Variants in PLCB3 observed in about 807,000 individuals in gnomAD.
The protein encoded by PLCB3 is phospholipase C beta 3, also known as 1-phosphatidylinositol 4,5-bisphosphate phosphodiesterase beta-3.
PLCB3 carries 54 observed loss-of-function variants against 152.1 expected under a neutral mutation model. The ratio of observed to expected loss-of-function variants is 0.36; its 90% CI spans 0.29 to 0.45. PLCB3 has a LOEUF of 0.45. PLCB3 is among the 20% of genes least tolerant of loss of function. The pLI, the probability that PLCB3 is intolerant of heterozygous loss-of-function variation, is 1.00. For synonymous variants in PLCB3, 717 were observed against 698.7 expected (o/e 1.03, Z -0.41); for missense variants, 1,248 against 1,687.5 (o/e 0.74, Z 4.56).
rs769667587 is a variant in PLCB3 at position 64,265,054 on chromosome 11, G to T, written c.2756G>T (p.Arg919Leu). 1 of 559,480 alleles carries T rather than the reference G, an allele frequency of 1.8e-6. No individual in the cohort carries two copies. The highest frequency in any genetic ancestry group is 6.1e-5 in the African/African-American group (1 of 16,462). The allele number at this position is 559,480 out of a possible 1,614,324, so 34.7% of individuals were successfully genotyped here. Residue 919 changes from arginine (R) to leucine (L), a missense_variant, in exon 23 of 31, where the codon CGG becomes CTG. This residue lies in a region of PLCB3 where 477 missense variants were observed against 489.6 expected (regional missense o/e 0.97). Coordinates refer to ENST00000279230, the MANE Select transcript of PLCB3 (RefSeq NM_000932.5). The part of the protein sequence containing the change: ...TPSPLDASPR[R>L]PPGPTTSPAS... ...AGCCCACTGGATGCCTCCCCCCGCC[G>T]GCCCCCTGGCCCCACCACCTCCCCT...
chr11:64,265,901 T>C lies in PLCB3; in HGVS notation c.3051T>C (p.Asp1017=), dbSNP rs773587427. The C allele has an allele frequency of 5.0e-6, 8 of 1,612,842 alleles. No individual in the cohort carries two copies. In the Admixed American group the frequency reaches 5.0e-5, roughly 10 times the overall value. ...CTCCTCGCAGAGGTGGGGCCGCTGA[T>C]GTGGAGGACACGAAGGAGGGGGAGG... ...LRPGALGGAA[D]VEDTKEGEDE... is the part of the protein sequence containing the mutation. The change falls in exon 26 of 31, where the codon GAT becomes GAC. Residue 1017 remains aspartate, a synonymous_variant. Transcript: ENST00000279230.
At chr11:64,259,517 C>T (rs2031733293) in intron 13 of PLCB3, among the ~76,000 whole-genome samples, 1 of 152,126 alleles carries the variant, frequency 6.6e-6, no homozygotes, top group African/African-American at 2.4e-5. Context: ...CCGGTGATGG[C>T]TCTGAAGGCT....
In PLCB3 at chr11:64,255,596, T is replaced by C. The variant is rs1278781452; in HGVS notation, c.577T>C (p.Cys193Arg). 1 of 1,406,058 alleles carries C rather than the reference T, an allele frequency of 7.1e-7. No homozygotes were observed. The highest frequency in any genetic ancestry group is 9.6e-7 in the Non-Finnish European group (1 of 1,045,780). 87.1% of individuals were successfully genotyped at this position (1,406,058 alleles called of 1,614,324 possible). ...GCGGGTGGAGACTGCGCTGGAATCC[T>C]GTGGCCTCAAATTCAACCGGGTGTG... ...KKRVETALESCGLKFNRSESI... is the reference protein window; with the variant it reads ...KKRVETALESRGLKFNRSESI... Residue 193 changes from cysteine (C) to arginine (R), a missense_variant, in exon 7 of 31, where the codon TGT becomes CGT. Physicochemically the swap from Cys to Arg is radical, Grantham distance 180 (BLOSUM62 -3). Around this residue, in one of 6 missense-constraint regions of PLCB3, gnomAD observed 299 missense variants for 434.7 expected, o/e 0.69. Transcript: ENST00000279230. This position sits in a 1 kb window ranked among gnomAD's most constrained non-coding sequence, Gnocchi z 6.8.
rs1398585545 is a variant in PLCB3 at position 64,258,507 on chromosome 11, G to A, written c.1047G>A (p.Met349Ile). The A allele has an allele frequency of 6.2e-7, 1 of 1,613,550 alleles. No homozygotes were observed. The highest frequency in any genetic ancestry group is 8.5e-7 in the Non-Finnish European group (1 of 1,179,926). Reference protein sequence around the residue: ...GQLAGTSSVEMYRQALLWGCR... With the variant: ...GQLAGTSSVEIYRQALLWGCR... ...TGGCTGGGACCTCGTCGGTGGAGAT[G>A]TACCGCCAGGCACTACTATGGGGCT... The change falls in exon 11 of 31, where the codon ATG becomes ATA. Residue 349 changes from methionine to isoleucine, a missense_variant. Transcript: ENST00000279230. This position sits in a 1 kb window ranked among gnomAD's most constrained non-coding sequence, Gnocchi z 7.2.
chr11:64,260,263 G>A, intron 14 of PLCB3, 29 bp downstream of exon 14: 1 of 1,512,280 alleles, frequency 6.6e-7, no homozygotes, highest in Non-Finnish European at 8.9e-7. Context: ...GCAGGTCGGG[G>A]AGGTAGCATC....
At position 64,267,455 on chromosome 11, in the gene PLCB3, G is replaced by A. The variant is rs1334657765; in HGVS notation, c.3604G>A (p.Gly1202Arg). ...LGEMPEGLGD[G>R]PLVACASNGH... ...CGAGATGCCGGAGGGGCTGGGGGAC[G>A]GGCCTCTGGTGGCCTGTGCCAGCAA... is the stretch of plus-strand genomic sequence containing the variant. The change falls in exon 31 of 31, where the codon GGG (glycine) becomes AGG (arginine). Residue 1202 changes from glycine to arginine, a missense_variant. Physicochemically the swap from Gly to Arg is moderately radical, Grantham distance 125 (BLOSUM62 -2). Transcript: ENST00000279230. The surrounding 1 kb of genome is among the most constrained non-coding windows in gnomAD (Gnocchi z 5.2). 4.5e-6 allele frequency: 7 copies of A among 1,555,984 alleles called. No individual in the cohort carries two copies. The South Asian group carries it at 4.7e-5, about 10-fold the overall frequency.
At chr11:64,269,322 G>C (rs561213797), downstream of PLCB3, among the ~76,000 whole-genome samples, 1 of 152,240 alleles carries the variant, frequency 6.6e-6, no homozygotes, top group Non-Finnish European at 1.5e-5. Context: ...CAGGGCCGTG[G>C]CGCAATGCAT....
Position 64,267,630 on chromosome 11 carries a change from T to TC in PLCB3, c.*74_*75insC, listed in dbSNP as rs2032195916. 2.4e-6 allele frequency: 1 copy of TC among 420,192 alleles called. No homozygotes were observed. The highest frequency in any genetic ancestry group is 2.5e-5 in the African/African-American group (1 of 40,140). 26.0% of individuals were successfully genotyped at this position (420,192 alleles called of 1,614,324 possible). On this transcript the variant is annotated 3_prime_UTR_variant, in exon 31 of 31. Coordinates refer to ENST00000279230, the MANE Select transcript of PLCB3 (RefSeq NM_000932.5). The surrounding 1 kb of genome is among the most constrained non-coding windows in gnomAD (Gnocchi z 5.2). The stretch of plus-strand genomic sequence containing the variant: ...GGCAGGAGGCAATGACACTAATGCT[T>TC]TTTTTTTTTTTTTTTAACTTTTTAT...
At chr11:64,264,456 C>G (rs971910613) in intron 22 of PLCB3, among the ~76,000 whole-genome samples, 3 of 152,100 alleles carry the variant, frequency 2.0e-5, no homozygotes, top group Admixed American at 2.0e-4. Context: ...CACGGAGGTT[C>G]ACCTGCGCTT....
Position 64,262,667 on chromosome 11 carries a change from G to T in PLCB3, c.2214G>T (p.Leu738=), listed in dbSNP as rs1320776482. ...LRVKVISGQF[L]SDRKVGIYVE... Reference sequence around the variant, plus strand: ...CCCAGGTGATCTCAGGGCAGTTCCTGTCCGACAGGAAGGTGGGCATCTACG... The same window carrying T: ...CCCAGGTGATCTCAGGGCAGTTCCTTTCCGACAGGAAGGTGGGCATCTACG... The change falls in exon 19 of 31, where the codon CTG becomes CTT. Residue 738 remains leucine (L), a synonymous_variant. Transcript: ENST00000279230. 1 of 1,614,006 alleles carries T rather than the reference G, an allele frequency of 6.2e-7. No individual in the cohort carries two copies.
rs2032171044 is a variant in PLCB3, at chr11:64,267,302, G to C, written c.3501+31G>C. ...GCCATGGGCGAACAGGTGGGCAGAC[G>C]GGGTGCAAGGCAGCCAGGCCTCGCC... On this transcript the variant is annotated intron_variant, in intron 30 of 30. Transcript: ENST00000279230. This position sits in a 1 kb window ranked among gnomAD's most constrained non-coding sequence, Gnocchi z 5.2. The C allele has an allele frequency of 6.4e-7, 1 of 1,550,690 alleles. No individual in the cohort carries two copies. The highest frequency in any genetic ancestry group is 1.2e-5 in the South Asian group (1 of 84,050).
chr11:64,263,873 C>G, intron 21 of PLCB3, 78 bp downstream of exon 21: 1 of 1,308,128 alleles, frequency 7.6e-7, no homozygotes, highest in Non-Finnish European at 1.1e-6. Flanking sequence ...TGGGAGTGGC[C>G]GAGCTGGATG....
At position 64,265,920 on chromosome 11, in the gene PLCB3, G is replaced by T. The variant is rs369629062; in HGVS notation, c.3070G>T (p.Gly1024Trp). 5.8e-5 allele frequency: 93 copies of T among 1,613,366 alleles called. No individual in the cohort carries two copies. Among genetic ancestry groups the T allele is most frequent in the Non-Finnish European group, 7.5e-5 (88 of 1,180,010 alleles). Residue 1024 changes from glycine to tryptophan, a missense_variant, in exon 26 of 31, where the codon GGG (glycine) becomes TGG (tryptophan). Physicochemically the swap from Gly to Trp is radical, Grantham distance 184 (BLOSUM62 -2). Around this residue, in one of 6 missense-constraint regions of PLCB3, gnomAD observed 477 missense variants for 489.6 expected, o/e 0.97. Transcript: ENST00000279230. ...GAADVEDTKEGEDEAKRYQEF... is the reference protein window; with the variant it reads ...GAADVEDTKEWEDEAKRYQEF... ...CGCTGATGTGGAGGACACGAAGGAG[G>T]GGGAGGACGAGGCAAAGCGGTATCA...
In PLCB3 at chr11:64,265,142, G is replaced by C. The variant is rs756882433; in HGVS notation, c.2806+38G>C. ...CTGGGTCGGGGGTGGGCTGCAGGGA[G>C]GCACCCCCCACCCTGTCCTCCAGCT... is the stretch of plus-strand genomic sequence containing the variant. On this transcript the variant is annotated intron_variant, in intron 23 of 30. Coordinates refer to ENST00000279230, the MANE Select transcript of PLCB3 (RefSeq NM_000932.5). The C allele has an allele frequency of 4.5e-6, 7 of 1,556,790 alleles. No individual in the cohort carries two copies. In the South Asian group the frequency reaches 8.2e-5, roughly 18 times the overall value.
At chr11:64,265,545 C>T (rs1441373388) in intron 25 of PLCB3, 43 bp downstream of exon 25, 1 of 1,553,576 alleles carries the variant, frequency 6.4e-7, no homozygotes. Flanking sequence ...GCTGGGTGTG[C>T]TGATGTGAAC....
chr11:64,256,303 C>T (rs1392519704), intron 8 of PLCB3, 73 bp from the exon 9 acceptor site: 2 of 1,441,938 alleles, frequency 1.4e-6, no homozygotes, highest in East Asian at 4.6e-5. Context: ...CTCCCTTGCC[C>T]AGGGCAAGGG....
At position 64,267,043 on chromosome 11, in the gene PLCB3, C is replaced by T. The variant is rs1199135743; in HGVS notation, c.3415-142C>T. 5.9e-6 allele frequency: 4 copies of T among 681,732 alleles called. No individual in the cohort carries two copies. The highest frequency in any genetic ancestry group is 1.8e-5 in the African/African-American group (1 of 56,114). 42.2% of individuals were successfully genotyped at this position (681,732 alleles called of 1,614,324 possible). On this transcript the variant is annotated intron_variant, in intron 29 of 30. Coordinates refer to ENST00000279230, the MANE Select transcript of PLCB3 (RefSeq NM_000932.5). The surrounding 1 kb of genome is among the most constrained non-coding windows in gnomAD (Gnocchi z 5.2). ...TCCTGACCTCAGGTGATCCGCCCGC[C>T]TTGGCCTCCCAAAGTGCTGGGATTA...
chr11:64,262,210 C>A, intron 17 of PLCB3, 134 bp downstream of exon 17: 1 of 1,357,136 alleles, frequency 7.4e-7, no homozygotes, highest in Non-Finnish European at 1.0e-6. Context: ...CAGCTCCCGA[C>A]TCACCCCGCC....
chr11:64,264,108 G>C lies in PLCB3; in HGVS notation c.2648G>C (p.Ser883Thr), dbSNP rs755122025. Residue 883 changes from serine (S) to threonine (T), a missense_variant, in exon 22 of 31, where the codon AGT (serine) becomes ACT (threonine). Coordinates refer to ENST00000279230, the MANE Select transcript of PLCB3 (RefSeq NM_000932.5). ...CAGCTGGCCGCCCTCATTGGGGAGA[G>C]TGAGGTGAGCCGGGGCAGGGCAGGG... ...ARQLAALIGE[S>T]EAQAGQETCQ... 14 of 1,532,672 alleles carry C rather than the reference G, an allele frequency of 9.1e-6. No individual in the cohort carries two copies. The highest frequency in any genetic ancestry group is 1.1e-5 in the Non-Finnish European group (13 of 1,141,898). 94.9% of individuals were successfully genotyped at this position (1,532,672 alleles called of 1,614,324 possible). A position where few individuals can be genotyped will look rare whatever the true frequency, so the allele number is the denominator to read the frequency against.
Sources: gnomAD v4.1 joint callset for allele counts (sites outside exome capture counted in the v4.1 genomes callset) on GRCh38, gnomAD v4.1.1 for gene constraint, gnomAD v4.1.1 regional missense constraint, Gnocchi (gnomAD v3.1) non-coding constraint, MANE v1.5 for transcripts, NCBI Gene and HGNC (gene_info 2026-07-23, HGNC 2026-07-21) for gene names.